GCSAML: variants seen among roughly 807,000 people sequenced by gnomAD.
The protein encoded by GCSAML is germinal center associated signaling and motility like, also known as germinal center-associated signaling and motility-like protein.
In GCSAML, 9 loss-of-function variants were observed where a neutral mutation model predicts 13.0. The observed-to-expected ratio is 0.69, with a 90% CI of 0.42 to 1.21. The LOEUF (loss-of-function observed/expected upper bound fraction) is 1.21, where lower values mean the gene tolerates loss of function less well. Among genes scored for constraint, GCSAML ranks in the 50% most tolerant of loss-of-function variants. The pLI is 0.00. For missense variants in GCSAML, 143 were observed against 153.4 expected (o/e 0.93, Z 0.36); for synonymous variants, 37 against 52.9 (o/e 0.70, Z 1.31).
rs781088292 is a variant in GCSAML at position 247,531,657 on chromosome 1, C to G, written c.-148+4603C>G. On this transcript the variant is annotated intron_variant, in intron 2 of 5. Coordinates refer to the GCSAML transcript ENST00000366489. Reference sequence around the variant, plus strand: ...TCAGGGTGTAAATAAGTGGGTTCAGCGCAGGAGTGACTACGGTGTAGAACA... The same window carrying G: ...TCAGGGTGTAAATAAGTGGGTTCAGGGCAGGAGTGACTACGGTGTAGAACA... The G allele has an allele frequency of 9.3e-6, 15 of 1,614,154 alleles. No homozygotes were observed. In the South Asian group the frequency reaches 1.5e-4, roughly 17 times the overall value.
intron 2 of GCSAML, among the ~76,000 whole-genome samples, chr1:247,561,641 T>C (rs1446980579): frequency 6.6e-6 from 1 of 152,234 alleles, no homozygotes; most frequent in Non-Finnish European, 1.5e-5. Flanking sequence ...CTTCTCCATT[T>C]ATTATTGTTA....
intron 1 of GCSAML, among the ~76,000 whole-genome samples, chr1:247,522,098 G>A (rs564280208): frequency 0.012 from 1,776 of 150,620 alleles, 33 homozygotes; most frequent in African/African-American, 0.041. Context: ...GAGCCCCTCC[G>A]CCTGGCAGCC....
intron 2 of GCSAML, among the ~76,000 whole-genome samples, chr1:247,543,950 T>C (rs1667488042): frequency 6.6e-6 from 1 of 152,216 alleles, no homozygotes; most frequent in Non-Finnish European, 1.5e-5. Flanking sequence ...TGCGTCACCC[T>C]GGTTTAACTT....
chr1:247,535,445 A>G (rs1667181264), intron 2 of GCSAML, among the ~76,000 whole-genome samples: 1 of 152,228 alleles, frequency 6.6e-6, no homozygotes, highest in South Asian at 2.1e-4. Flanking sequence ...CTGAGTCATG[A>G]CAGTCAAAGT....
At chr1:247,520,486 T>C (rs532051249) in intron 1 of GCSAML, among the ~76,000 whole-genome samples, 18 of 152,016 alleles carry the variant, frequency 1.2e-4, no homozygotes, top group African/African-American at 3.4e-4. Context: ...AACCCCCATA[T>C]TGAGTTAGCC....
At chr1:247,535,989 G>A (rs1018947606) in intron 2 of GCSAML, among the ~76,000 whole-genome samples, 16 of 152,136 alleles carry the variant, frequency 1.1e-4, no homozygotes, top group African/African-American at 3.4e-4. Context: ...AAACTGTATC[G>A]CAGAACATAG....
chr1:247,566,110 AT>A, intron 4 of GCSAML, 151 bp downstream of exon 4: 1 of 571,428 alleles, frequency 1.7e-6, no homozygotes, highest in Non-Finnish European at 2.9e-6. Flanking sequence ...AATCATTCAT[AT>A]TTTAAATAAT....
At chr1:247,534,004 A>C (rs563705089) in intron 2 of GCSAML, 1 of 152,116 alleles carries the variant, frequency 6.6e-6, no homozygotes, top group Non-Finnish European at 1.5e-5. Flanking sequence ...TTTCTCCCCA[A>C]GACATCCACA....
chr1:247,565,900 C>CT, intron 3 of GCSAML, 31 bp from the exon 4 acceptor site: 3 of 1,437,190 alleles, frequency 2.1e-6, no homozygotes, highest in Admixed American at 2.3e-5. Flanking sequence ...GCTTTCCTTT[C>CT]TTTCTTTTTT....
intron 1 of GCSAML, among the ~76,000 whole-genome samples, chr1:247,519,005 C>T (rs1251807061): frequency 6.6e-6 from 1 of 151,796 alleles, no homozygotes; most frequent in Admixed American, 6.6e-5. Flanking sequence ...AAGAAAAAAG[C>T]GCCGAGATTG....
chr1:247,569,941 G>T (rs1668536024), intron 4 of GCSAML, among the ~76,000 whole-genome samples: 1 of 152,172 alleles, frequency 6.6e-6, no homozygotes, highest in African/African-American at 2.4e-5. Flanking sequence ...CTTGGAAGGT[G>T]TGTGTGTCCA....
At chr1:247,558,340 T>C (rs1162611422) in intron 2 of GCSAML, among the ~76,000 whole-genome samples, 1 of 152,230 alleles carries the variant, frequency 6.6e-6, no homozygotes, top group African/African-American at 2.4e-5. Flanking sequence ...TATTATTCAT[T>C]TAAACATATT....
At chr1:247,562,880 A>G (rs1172942898) in intron 2 of GCSAML, among the ~76,000 whole-genome samples, 1 of 151,582 alleles carries the variant, frequency 6.6e-6, no homozygotes, top group Non-Finnish European at 1.5e-5. Flanking sequence ...TCGCTCTGTC[A>G]CCAGGCTGGA....
intron 1 of GCSAML, among the ~76,000 whole-genome samples, chr1:247,512,019 G>T (rs754502002): frequency 5.3e-5 from 8 of 152,098 alleles, no homozygotes; most frequent in Non-Finnish European, 8.8e-5. Context: ...TCTTAACGGT[G>T]TTCTCTGTAT....
At chr1:247,515,155 C>G (rs1666168561) in intron 1 of GCSAML, among the ~76,000 whole-genome samples, 1 of 152,050 alleles carries the variant, frequency 6.6e-6, no homozygotes. Flanking sequence ...GCCATTTGAC[C>G]ATCATAGAAC....
At chr1:247,560,402 A>G (rs1558256604) in intron 2 of GCSAML, among the ~76,000 whole-genome samples, 2 of 152,170 alleles carry the variant, frequency 1.3e-5, no homozygotes, top group African/African-American at 4.8e-5. Flanking sequence ...CTTGGATCGT[A>G]TCTTTCTCCT....
Position 247,508,678 on chromosome 1 carries a change from T to TA in GCSAML, c.-263+1447dup, listed in dbSNP as rs1457516798. 5.9e-5 allele frequency among the ~76,000 whole-genome samples: 9 copies of TA among 152,330 alleles called. 1 individual carries two copies. The highest frequency in any genetic ancestry group is 2.2e-4 in the African/African-American group (9 of 41,576). Reference sequence around the variant, plus strand: ...TTTAAGTCTTTAATCCATCTTGAGTTAATTTTTGTTTAAAGTGTAAGGAAG... The same window carrying TA: ...TTTAAGTCTTTAATCCATCTTGAGTTAAATTTTTGTTTAAAGTGTAAGGAAG... On this transcript the variant is annotated intron_variant, in intron 1 of 5. Transcript: ENST00000366489.
chr1:247,537,667 T>A (rs1326078608), intron 2 of GCSAML, among the ~76,000 whole-genome samples: 1 of 152,176 alleles, frequency 6.6e-6, no homozygotes, highest in Non-Finnish European at 1.5e-5. Context: ...CTTTTTACAA[T>A]CTTTTTTTTT....
At chr1:247,520,921 A>T (rs943009920) in intron 1 of GCSAML, among the ~76,000 whole-genome samples, 3 of 152,178 alleles carry the variant, frequency 2.0e-5, no homozygotes, top group South Asian at 2.1e-4. Context: ...TTTCTTATTA[A>T]GCCTCTGAAT....
Sources: allele counts gnomAD v4.1 joint callset (sites outside exome capture counted in the v4.1 genomes callset), GRCh38; gene constraint gnomAD v4.1.1; transcripts MANE v1.5; gene names NCBI Gene and HGNC (gene_info 2026-07-23, HGNC 2026-07-21).